BRINP3: variants seen among roughly 807,000 people sequenced by gnomAD.
BRINP3 encodes the protein BMP/retinoic acid-inducible neural-specific protein 3.
In BRINP3, 19 loss-of-function variants were observed where a neutral mutation model predicts 71.0. The observed-to-expected ratio is 0.27, with a 90% CI of 0.19 to 0.39. The LOEUF is 0.39. Ranked by LOEUF, BRINP3 falls within the 10% of genes least tolerant of loss-of-function variation. The pLI, the probability that BRINP3 is intolerant of heterozygous loss-of-function variation, is 1.00. For synonymous variants in BRINP3, 380 were observed against 337.7 expected (o/e 1.13, Z -1.37); for missense variants, 959 against 940.8 (o/e 1.02, Z -0.25).
At chr1:190,325,101 C>T (rs1471665176) in intron 2 of BRINP3, among the ~76,000 whole-genome samples, 6 of 151,728 alleles carry the variant, frequency 4.0e-5, no homozygotes, top group Non-Finnish European at 8.8e-5. Flanking sequence ...TACAAACAGC[C>T]AGCATTGAAG....
intron 6 of BRINP3, among the ~76,000 whole-genome samples, chr1:190,200,391 C>A (rs530460481): frequency 6.6e-6 from 1 of 152,098 alleles, no homozygotes; most frequent in South Asian, 2.1e-4. Context: ...AGAACATGAA[C>A]CAATAGATCT....
At chr1:190,363,681 G>A (rs555996493) in intron 2 of BRINP3, among the ~76,000 whole-genome samples, 3 of 152,236 alleles carry the variant, frequency 2.0e-5, no homozygotes, top group Non-Finnish European at 4.4e-5. Flanking sequence ...TCATGTAAGA[G>A]GCTACTGGGA....
At chr1:190,189,255 A>G (rs553749331) in intron 6 of BRINP3, among the ~76,000 whole-genome samples, 1 of 152,278 alleles carries the variant, frequency 6.6e-6, no homozygotes, top group East Asian at 1.9e-4. Context: ...AGTACTTAAC[A>G]GTGAAACCAT....
At chr1:190,426,843 G>A (rs529798729) in intron 2 of BRINP3, among the ~76,000 whole-genome samples, 1 of 151,696 alleles carries the variant, frequency 6.6e-6, no homozygotes, top group African/African-American at 2.4e-5. Flanking sequence ...ACATTATTTT[G>A]TAAGCAAGTT....
At chr1:190,402,371 G>A (rs1019340093) in intron 2 of BRINP3, among the ~76,000 whole-genome samples, 5 of 152,104 alleles carry the variant, frequency 3.3e-5, no homozygotes, top group Admixed American at 6.5e-5. Context: ...TATTAATGGT[G>A]TGTAATAACT....
intron 2 of BRINP3, among the ~76,000 whole-genome samples, chr1:190,349,444 T>C (rs967089263): frequency 2.0e-5 from 3 of 152,096 alleles, no homozygotes; most frequent in East Asian, 1.9e-4. Flanking sequence ...CAAACCCATA[T>C]GATAGAGTTC....
chr1:190,336,813 CCCTTCCCT>C lies in BRINP3; in HGVS notation c.237-55071_237-55064del, dbSNP rs1326664127. ...CCCTCCCTTCCCTCCTTCACTCCCT[CCCTTCCCT>C]CCTTCCCTCCCTCCCTCCTTCCTTC... is the stretch of plus-strand genomic sequence containing the variant. On this transcript the variant is annotated intron_variant, in intron 2 of 7. Transcript: ENST00000367462. Among the ~76,000 whole-genome samples the C allele has an allele frequency of 3.4e-3, 378 of 111,080 alleles. 1 individual carries two copies. The highest frequency in any genetic ancestry group is 0.013 in the African/African-American group (370 of 29,578). 72.9% of individuals were successfully genotyped at this position (111,080 alleles called of 152,430 possible).
intron 7 of BRINP3, among the ~76,000 whole-genome samples, chr1:190,107,022 A>G (rs1000837507): frequency 1.9e-4 from 29 of 151,882 alleles, no homozygotes; most frequent in African/African-American, 6.5e-4. Context: ...GTTGTTCTCA[A>G]TGCTGAATAT....
chr1:190,191,679 C>T (rs1234823279), intron 6 of BRINP3, among the ~76,000 whole-genome samples: 1 of 151,940 alleles, frequency 6.6e-6, no homozygotes, highest in Non-Finnish European at 1.5e-5. Context: ...GGGTTGGTTC[C>T]ATGTCCTTGC....
At chr1:190,173,154 G>A (rs1007979523) in intron 6 of BRINP3, among the ~76,000 whole-genome samples, 12 of 151,968 alleles carry the variant, frequency 7.9e-5, no homozygotes, top group African/African-American at 1.9e-4. Context: ...ATGCAGCTGC[G>A]GCTAGTTTTC....
chr1:190,327,354 A>G (rs1386767895), intron 2 of BRINP3, among the ~76,000 whole-genome samples: 1 of 135,892 alleles, frequency 7.4e-6, no homozygotes, highest in African/African-American at 2.7e-5. Context: ...AAAAAAAGGA[A>G]AAAAAAAAAA....
intron 6 of BRINP3, among the ~76,000 whole-genome samples, chr1:190,209,334 A>G (rs757622212): frequency 1.3e-4 from 20 of 152,092 alleles, no homozygotes; most frequent in Admixed American, 3.3e-4. Flanking sequence ...CCTTTGTCCT[A>G]TCTCAGTAAC....
Position 190,314,144 on chromosome 1 carries a change from C to T in BRINP3, c.237-32394G>A, listed in dbSNP as rs201316268. Among the ~76,000 whole-genome samples, 8 of 151,920 alleles carry T rather than the reference C, an allele frequency of 5.3e-5. No individual in the cohort carries two copies. In the East Asian group the frequency reaches 1.4e-3, roughly 26 times the overall value. On this transcript the variant is annotated intron_variant, in intron 2 of 7. Transcript: ENST00000367462. ...TGAGATTAAAAAAATACTTCATAGA[C>T]CTTGATGTCTATCAAGGGATCAATC... is the stretch of plus-strand genomic sequence containing the variant.
rs1008097714 is a variant in BRINP3 at position 190,097,819 on chromosome 1, G to A, written c.*199C>T. On this transcript the variant is annotated 3_prime_UTR_variant, in exon 8 of 8. Coordinates refer to ENST00000367462, the MANE Select transcript of BRINP3 (RefSeq NM_199051.3). ...CTTCTAGACTGGTGTCAGTATTTAT[G>A]TCATTCATAAACCAAAACTGCTGTA... The A allele has an allele frequency of 2.3e-5, 13 of 560,008 alleles. No homozygotes were observed. The highest frequency in any genetic ancestry group is 1.0e-4 in the Admixed American group (3 of 29,612). 34.7% of individuals were successfully genotyped at this position (560,008 alleles called of 1,614,324 possible).
At chr1:190,470,122 T>C (rs1174827365) in intron 1 of BRINP3, among the ~76,000 whole-genome samples, 2 of 150,996 alleles carry the variant, frequency 1.3e-5, no homozygotes, top group African/African-American at 2.4e-5. Context: ...CTCTAGATTG[T>C]TTTTTAATAG....
intron 4 of BRINP3, among the ~76,000 whole-genome samples, chr1:190,236,285 G>T (rs1181260629): frequency 6.6e-6 from 1 of 151,994 alleles, no homozygotes; most frequent in East Asian, 1.9e-4. Flanking sequence ...GAAGCTCACT[G>T]TGGAGGATAT....
intron 2 of BRINP3, among the ~76,000 whole-genome samples, chr1:190,395,464 T>G (rs1206058035): frequency 6.6e-6 from 1 of 151,772 alleles, no homozygotes; most frequent in Non-Finnish European, 1.5e-5. Flanking sequence ...GATTTTCTAA[T>G]GTATTTCAAT....
intron 7 of BRINP3, among the ~76,000 whole-genome samples, chr1:190,150,634 C>A (rs1215550106): frequency 1.3e-5 from 2 of 152,102 alleles, no homozygotes; most frequent in Admixed American, 6.6e-5. Context: ...TACATATTTA[C>A]CTAATGACAA....
chr1:190,467,689 A>G (rs1676852867), intron 1 of BRINP3, among the ~76,000 whole-genome samples: 1 of 151,574 alleles, frequency 6.6e-6, no homozygotes, highest in South Asian at 2.1e-4. Flanking sequence ...CAATTTTGAG[A>G]ACACTTGACA....
Sources: gnomAD v4.1 joint callset for allele counts (sites outside exome capture counted in the v4.1 genomes callset) on GRCh38, gnomAD v4.1.1 for gene constraint, MANE v1.5 for transcripts, NCBI Gene and HGNC (gene_info 2026-07-23, HGNC 2026-07-21) for gene names.